Variants in AGBL1 observed in about 807,000 individuals in gnomAD.
AGBL1 encodes cytosolic carboxypeptidase 4.
A neutral mutation model predicts 118.9 loss-of-function variants in AGBL1; 130 were observed. That is an observed-to-expected ratio of 1.09 (90% CI 0.95 to 1.26). The LOEUF is 1.26. AGBL1 is among the 50% of genes most tolerant of loss of function. The pLI, the probability that AGBL1 is intolerant of heterozygous loss-of-function variation, is 0.00. For synonymous variants in AGBL1, 555 were observed against 478.9 expected (o/e 1.16, Z -2.08); for missense variants, 1,584 against 1,298.1 (o/e 1.22, Z -3.38).
At chr15:86,094,133 C>T (rs529226098) in intron 1 of AGBL1, among the ~76,000 whole-genome samples, 5 of 152,008 alleles carry the variant, frequency 3.3e-5, no homozygotes, top group Admixed American at 6.6e-5. Context: ...TATTTGCAGT[C>T]GTTACTTCAA....
intron 22 of AGBL1, among the ~76,000 whole-genome samples, chr15:86,744,047 T>C (rs1469777186): frequency 6.6e-6 from 1 of 152,128 alleles, no homozygotes; most frequent in East Asian, 1.9e-4. Context: ...TTTCAAGGGA[T>C]ACAGATACAT....
At chr15:86,514,812 G>T (rs527254360) in intron 18 of AGBL1, among the ~76,000 whole-genome samples, 2 of 152,106 alleles carry the variant, frequency 1.3e-5, no homozygotes, top group Non-Finnish European at 2.9e-5. Flanking sequence ...AGGAATAAAT[G>T]CATGTTTATT....
intron 22 of AGBL1, among the ~76,000 whole-genome samples, chr15:86,792,713 G>A (rs774354341): frequency 3.9e-5 from 6 of 152,102 alleles, no homozygotes; most frequent in South Asian, 2.1e-4. Flanking sequence ...AGGCCGAGAT[G>A]GGAGGATTGC....
chr15:86,155,828 A>G (rs1267465509), intron 4 of AGBL1, among the ~76,000 whole-genome samples: 1 of 152,208 alleles, frequency 6.6e-6, no homozygotes, highest in African/African-American at 2.4e-5. Flanking sequence ...AATGATTACC[A>G]TTACTCTGCT....
intron 6 of AGBL1, among the ~76,000 whole-genome samples, chr15:86,236,944 G>T (rs1597602918): frequency 5.1e-5 from 2 of 39,054 alleles, no homozygotes; most frequent in African/African-American, 1.2e-4. Flanking sequence ...GGGGGGGGCG[G>T]GGGGGGGCGG....
chr15:86,708,117 T>C (rs1220157872), intron 22 of AGBL1, among the ~76,000 whole-genome samples: 1 of 152,150 alleles, frequency 6.6e-6, no homozygotes. Flanking sequence ...CATTAACACA[T>C]GTATACTGCT....
chr15:86,368,841 T>C (rs966794745), intron 17 of AGBL1, among the ~76,000 whole-genome samples: 1 of 152,164 alleles, frequency 6.6e-6, no homozygotes, highest in East Asian at 1.9e-4. Context: ...AAAAGTGTAT[T>C]CTGAATATCA....
In AGBL1 at chr15:86,995,310, C is replaced by T. The variant is rs560933526; in HGVS notation, c.3323+7222C>T. On this transcript the variant is annotated intron_variant, in intron 24 of 24. Coordinates refer to the AGBL1 transcript ENST00000441037. ...CTGAGGTGGAAGGATCACCTGAGCC[C>T]GGGAGGTCAAGGCTGTAGTGAGCCT... Among the ~76,000 whole-genome samples the T allele has an allele frequency of 9.9e-5, 15 of 152,152 alleles. No individual in the cohort carries two copies. In the East Asian group the frequency reaches 1.6e-3, roughly 16 times the overall value.
At chr15:86,103,785 A>T (rs1896872147) in intron 1 of AGBL1, among the ~76,000 whole-genome samples, 1 of 152,176 alleles carries the variant, frequency 6.6e-6, no homozygotes, top group Non-Finnish European at 1.5e-5. Context: ...AGGGTGGCAT[A>T]TGCTGGCGTT....
intron 17 of AGBL1, among the ~76,000 whole-genome samples, chr15:86,374,899 A>C (rs1282715776): frequency 6.6e-6 from 1 of 152,234 alleles, no homozygotes; most frequent in Non-Finnish European, 1.5e-5. Flanking sequence ...TTACAGTAGC[A>C]CATTCATCAT....
At chr15:86,708,908 C>G (rs1567133556) in intron 22 of AGBL1, among the ~76,000 whole-genome samples, 1 of 152,096 alleles carries the variant, frequency 6.6e-6, no homozygotes, top group African/African-American at 2.4e-5. Flanking sequence ...TTTGTTGCTT[C>G]ACTTCCACTG....
chr15:86,139,415 G>A (rs749420739), intron 1 of AGBL1, among the ~76,000 whole-genome samples: 11 of 152,306 alleles, frequency 7.2e-5, no homozygotes, highest in Middle Eastern at 3.4e-3. Flanking sequence ...GGAGGAGTTC[G>A]TTCTTGTCAG....
intron 18 of AGBL1, among the ~76,000 whole-genome samples, chr15:86,415,102 C>T (rs919613465): frequency 5.6e-4 from 86 of 152,272 alleles, no homozygotes; most frequent in African/African-American, 1.8e-3. Flanking sequence ...GTGGGTACCA[C>T]TAACTGCTGG....
chr15:86,247,902 C>T (rs376109215), intron 7 of AGBL1, 23 bp downstream of exon 7: 78 of 1,612,424 alleles, frequency 4.8e-5, no homozygotes, highest in Non-Finnish European at 6.4e-5. Context: ...GGGATTCACT[C>T]TGCAGCTGGA....
chr15:86,125,917 G>C (rs1406327429), intron 1 of AGBL1, among the ~76,000 whole-genome samples: 1 of 152,248 alleles, frequency 6.6e-6, no homozygotes, highest in Admixed American at 6.5e-5. Flanking sequence ...CTGGCAATTA[G>C]AGAAGAGAAG....
intron 18 of AGBL1, among the ~76,000 whole-genome samples, chr15:86,473,316 G>A (rs900971514): frequency 6.6e-6 from 1 of 152,132 alleles, no homozygotes; most frequent in Non-Finnish European, 1.5e-5. Flanking sequence ...AGTATTCAAG[G>A]AGATAATGCA....
At chr15:86,984,423 G>A (rs1369164833) in intron 23 of AGBL1, among the ~76,000 whole-genome samples, 5 of 150,118 alleles carry the variant, frequency 3.3e-5, no homozygotes, top group African/African-American at 4.9e-5. Flanking sequence ...GGAGTGCAGT[G>A]GCGTGATCTC....
At chr15:86,226,575 G>A (rs912906412) in intron 6 of AGBL1, among the ~76,000 whole-genome samples, 15 of 152,172 alleles carry the variant, frequency 9.9e-5, no homozygotes, top group African/African-American at 3.4e-4. Flanking sequence ...GTAGTCTTAT[G>A]TCAGTTGTTT....
intron 6 of AGBL1, among the ~76,000 whole-genome samples, chr15:86,237,230 A>G (rs886928094): frequency 1.4e-4 from 21 of 152,178 alleles, no homozygotes; most frequent in Non-Finnish European, 2.1e-4. Context: ...ATTGGCTGAC[A>G]TAAGGCTGAA....
Sources: allele counts gnomAD v4.1 joint callset (sites outside exome capture counted in the v4.1 genomes callset), GRCh38; gene constraint gnomAD v4.1.1; transcripts MANE v1.5; gene names NCBI Gene and HGNC (gene_info 2026-07-23, HGNC 2026-07-21).